Variants in PDZRN4 observed in about 807,000 individuals in gnomAD.
PDZRN4 encodes the protein PDZ domain-containing RING finger protein 4.
Under a neutral mutation model 99.0 loss-of-function variants are expected in PDZRN4, and 70 were observed. That is an observed-to-expected ratio of 0.71 (90% CI 0.58 to 0.86). PDZRN4 has a LOEUF of 0.86. Ranked by LOEUF, PDZRN4 falls within the 40% of genes least tolerant of loss-of-function variation. The pLI, the probability that PDZRN4 is intolerant of heterozygous loss-of-function variation, is 0.00. For synonymous variants in PDZRN4, 551 were observed against 501.6 expected (o/e 1.10, Z -1.32); for missense variants, 1,474 against 1,331.2 (o/e 1.11, Z -1.67).
chr12:41,563,305 G>A (rs528622008), intron 7 of PDZRN4, among the ~76,000 whole-genome samples: 67 of 152,264 alleles, frequency 4.4e-4, no homozygotes, highest in African/African-American at 1.5e-3. Context: ...TTGCCAGGGC[G>A]CAGGTTGGAC....
chr12:41,568,360 G>A (rs747173272), intron 9 of PDZRN4, among the ~76,000 whole-genome samples: 1 of 152,166 alleles, frequency 6.6e-6, no homozygotes, highest in Non-Finnish European at 1.5e-5. Context: ...TTGCGTACTG[G>A]ATGGCGTGAT....
chr12:41,467,494 G>A (rs967306134), intron 3 of PDZRN4, among the ~76,000 whole-genome samples: 3 of 152,112 alleles, frequency 2.0e-5, no homozygotes, highest in Non-Finnish European at 4.4e-5. Flanking sequence ...GAAAAAACAC[G>A]AAAGGAGGTT....
At chr12:41,496,243 CA>C (rs1398031302) in intron 3 of PDZRN4, among the ~76,000 whole-genome samples, 2 of 152,088 alleles carry the variant, frequency 1.3e-5, no homozygotes, top group African/African-American at 2.4e-5. Flanking sequence ...TTGTCACTGC[CA>C]GGAATGTAAC....
intron 3 of PDZRN4, among the ~76,000 whole-genome samples, chr12:41,485,674 A>T (rs1592080052): frequency 1.3e-5 from 2 of 152,318 alleles, no homozygotes. Flanking sequence ...TGGATTTAAA[A>T]ATCTATGATA....
intron 3 of PDZRN4, among the ~76,000 whole-genome samples, chr12:41,306,667 T>G (rs2120940861): frequency 6.6e-6 from 1 of 152,344 alleles, no homozygotes; most frequent in African/African-American, 2.4e-5. Context: ...TTCTGGTTCC[T>G]TTTTGCTTAA....
intron 5 of PDZRN4, among the ~76,000 whole-genome samples, chr12:41,549,908 G>T (rs1939023108): frequency 6.6e-6 from 1 of 152,080 alleles, no homozygotes; most frequent in Admixed American, 6.6e-5. Flanking sequence ...CTTACAAAGG[G>T]GAATATTGGA....
At chr12:41,437,685 G>A (rs756771620) in intron 3 of PDZRN4, 6 of 1,269,830 alleles carry the variant, frequency 4.7e-6, no homozygotes, top group East Asian at 5.5e-5. Context: ...ATGCAGAGAC[G>A]GGGGAGTGTT....
chr12:41,462,063 G>A (rs1196176200), intron 3 of PDZRN4, among the ~76,000 whole-genome samples: 2 of 152,110 alleles, frequency 1.3e-5, no homozygotes, highest in Admixed American at 1.3e-4. Context: ...ATGACTATGC[G>A]ATATCTATCT....
intron 3 of PDZRN4, among the ~76,000 whole-genome samples, chr12:41,465,892 T>G (rs981494294): frequency 4.0e-5 from 6 of 151,578 alleles, no homozygotes; most frequent in Admixed American, 1.3e-4. Context: ...TGTTTCAGTG[T>G]TTTTTTTTAA....
At chr12:41,276,316 A>C (rs1232338930) in intron 3 of PDZRN4, among the ~76,000 whole-genome samples, 1 of 152,114 alleles carries the variant, frequency 6.6e-6, no homozygotes, top group African/African-American at 2.4e-5. Flanking sequence ...CCATACAAGA[A>C]AATGATTTAT....
At position 41,574,027 on chromosome 12, in the gene PDZRN4, A is replaced by T; in HGVS notation, c.*137A>T. 2.0e-6 allele frequency: 1 copy of T among 496,076 alleles called. No homozygotes were observed. The highest frequency in any genetic ancestry group is 3.8e-5 in the Admixed American group (1 of 26,640). The allele number at this position is 496,076 out of a possible 1,614,324, so 30.7% of individuals were successfully genotyped here. On this transcript the variant is annotated 3_prime_UTR_variant, in exon 10 of 10. Coordinates refer to ENST00000402685, the MANE Select transcript of PDZRN4 (RefSeq NM_001164595.2). ...AGTTTAAATTTTTTGTAAGCAAAAA[A>T]TACCTGGTAATTTTTCATTTGTTTT...
At chr12:41,396,581 T>G (rs779435623) in intron 3 of PDZRN4, among the ~76,000 whole-genome samples, 4 of 152,176 alleles carry the variant, frequency 2.6e-5, no homozygotes, top group South Asian at 4.1e-4. Flanking sequence ...ACTGGCTGTT[T>G]CAGGCTCAAC....
intron 3 of PDZRN4, among the ~76,000 whole-genome samples, chr12:41,475,963 G>C (rs1953039418): frequency 6.6e-6 from 1 of 152,054 alleles, no homozygotes. Context: ...AGCTCCTTGA[G>C]GATATTGTGT....
In PDZRN4 at chr12:41,364,979, G is replaced by T. The variant is rs556491724; in HGVS notation, c.844-141477G>T. Among the ~76,000 whole-genome samples the T allele has an allele frequency of 4.0e-5, 6 of 150,346 alleles. No homozygotes were observed. The South Asian group carries it at 1.2e-3, about 31-fold the overall frequency. On this transcript the variant is annotated intron_variant, in intron 3 of 9. Transcript: ENST00000402685. Reference sequence around the variant, plus strand: ...TCTGTTTCTAAATTATACAAATGTAGTTTTTCTAGCCCCCTAGGGTGAGTT... The same window carrying T: ...TCTGTTTCTAAATTATACAAATGTATTTTTTCTAGCCCCCTAGGGTGAGTT...
At chr12:41,379,252 T>TG (rs201017182) in intron 3 of PDZRN4, among the ~76,000 whole-genome samples, 1,727 of 24,552 alleles carry the variant, frequency 0.07, 36 homozygotes, top group African/African-American at 0.19. Flanking sequence ...CTATTTTCTG[T>TG]TTTTTTTTTT....
At chr12:41,282,521 C>T (rs188480863) in intron 3 of PDZRN4, among the ~76,000 whole-genome samples, 14 of 152,188 alleles carry the variant, frequency 9.2e-5, no homozygotes, top group African/African-American at 2.6e-4. Context: ...ACCAAGCAGA[C>T]CTAATAGACA....
At chr12:41,530,855 G>A (rs1938648166) in intron 5 of PDZRN4, among the ~76,000 whole-genome samples, 1 of 152,084 alleles carries the variant, frequency 6.6e-6, no homozygotes, top group Non-Finnish European at 1.5e-5. Flanking sequence ...CTTTTGAAAT[G>A]GGAAAAGTTC....
chr12:41,425,308 C>T (rs1952526070), intron 3 of PDZRN4, among the ~76,000 whole-genome samples: 1 of 150,812 alleles, frequency 6.6e-6, no homozygotes, highest in South Asian at 2.1e-4. Context: ...AGGAAGGTAA[C>T]CTAGAAGCTG....
intron 3 of PDZRN4, among the ~76,000 whole-genome samples, chr12:41,433,422 T>C (rs952975962): frequency 1.3e-5 from 2 of 152,194 alleles, no homozygotes; most frequent in Non-Finnish European, 2.9e-5. Flanking sequence ...GTCTTTATGA[T>C]TACATAGAAG....
Sources: gnomAD v4.1 joint callset for allele counts (sites outside exome capture counted in the v4.1 genomes callset) on GRCh38, gnomAD v4.1.1 for gene constraint, MANE v1.5 for transcripts, NCBI Gene and HGNC (gene_info 2026-07-23, HGNC 2026-07-21) for gene names.